CLEC16A: variants seen among roughly 807,000 people sequenced by gnomAD.
CLEC16A encodes the protein protein CLEC16A.
A neutral mutation model predicts 109.5 loss-of-function variants in CLEC16A; 51 were observed. The observed-to-expected ratio is 0.47, with a 90% CI of 0.37 to 0.59. The LOEUF (loss-of-function observed/expected upper bound fraction) is 0.59, where lower values mean the gene tolerates loss of function less well. Among genes scored for constraint, CLEC16A ranks in the 20% least tolerant of loss-of-function variants. CLEC16A has a pLI of 0.00. For synonymous variants in CLEC16A, 673 were observed against 564.2 expected (o/e 1.19, Z -2.73); for missense variants, 1,339 against 1,394.0 (o/e 0.96, Z 0.63).
At chr16:11,082,873 G>T (rs566359079) in intron 19 of CLEC16A, among the ~76,000 whole-genome samples, 1 of 152,278 alleles carries the variant, frequency 6.6e-6, no homozygotes, top group East Asian at 1.9e-4. Context: ...AATTGTGGGA[G>T]CCCAGCTGTG....
intron 19 of CLEC16A, among the ~76,000 whole-genome samples, chr16:11,118,367 A>G (rs2052159947): frequency 1.4e-5 from 1 of 73,544 alleles, no homozygotes; most frequent in African/African-American, 1.2e-4. Flanking sequence ...ATTCAAGATA[A>G]GGGACGTTAA....
chr16:11,161,025 G>T (rs79659389), intron 22 of CLEC16A, among the ~76,000 whole-genome samples: 1 of 152,198 alleles, frequency 6.6e-6, no homozygotes, highest in East Asian at 1.9e-4. Flanking sequence ...AACTGCAACC[G>T]AAAGGGAGAA....
chr16:11,069,884 G>A (rs2048970407), intron 19 of CLEC16A, among the ~76,000 whole-genome samples: 2 of 152,200 alleles, frequency 1.3e-5, no homozygotes, highest in African/African-American at 4.8e-5. Context: ...GGTTTAAAGT[G>A]TGTGGTAGGA....
At chr16:11,043,467 A>G (rs1253233249) in intron 15 of CLEC16A, among the ~76,000 whole-genome samples, 4 of 152,098 alleles carry the variant, frequency 2.6e-5, no homozygotes, top group Non-Finnish European at 4.4e-5. Context: ...TTTTCCCCCA[A>G]TTAACTGTAT....
intron 22 of CLEC16A, 178 bp downstream of exon 22, chr16:11,126,324 T>C (rs1174538399): frequency 6.7e-7 from 1 of 1,491,842 alleles, no homozygotes; most frequent in African/African-American, 1.4e-5. Context: ...GCCCCCAAAA[T>C]AAATTTTGGC....
At chr16:10,953,870 G>A (rs1202204772) in intron 1 of CLEC16A, among the ~76,000 whole-genome samples, 1 of 151,930 alleles carries the variant, frequency 6.6e-6, no homozygotes, top group African/African-American at 2.4e-5. Flanking sequence ...CCAGCTATTC[G>A]GAAGGCTGAG....
At chr16:11,102,208 T>TG (rs1476415778) in intron 19 of CLEC16A, among the ~76,000 whole-genome samples, 3 of 152,212 alleles carry the variant, frequency 2.0e-5, no homozygotes, top group African/African-American at 4.8e-5. Context: ...GCCATCTGAT[T>TG]GGGGGTGTGG....
chr16:10,997,025 G>A (rs186210178), intron 10 of CLEC16A, among the ~76,000 whole-genome samples: 6 of 152,292 alleles, frequency 3.9e-5, no homozygotes, highest in Non-Finnish European at 5.9e-5. Context: ...GCAGTGGCAC[G>A]ACCACAGCTC....
intron 1 of CLEC16A, 63 bp downstream of exon 1, chr16:10,944,860 C>A: frequency 6.9e-7 from 1 of 1,450,984 alleles, no homozygotes; most frequent in African/African-American, 1.4e-5. Context: ...CGCCGAGCTC[C>A]GGGTCGGGGC....
intron 23 of CLEC16A, among the ~76,000 whole-genome samples, chr16:11,176,044 A>T (rs911056133): frequency 2.0e-5 from 3 of 152,264 alleles, no homozygotes; most frequent in Non-Finnish European, 4.4e-5. Flanking sequence ...TTATGTGTGG[A>T]TCCACATGTG....
chr16:10,959,389 A>G (rs181457036), intron 2 of CLEC16A, among the ~76,000 whole-genome samples: 13 of 152,056 alleles, frequency 8.5e-5, no homozygotes, highest in African/African-American at 3.1e-4. Flanking sequence ...TCCATGGGGA[A>G]TTTTGTTTTT....
chr16:11,126,257 C>T (rs975572066), intron 22 of CLEC16A, 111 bp downstream of exon 22: 6 of 1,560,144 alleles, frequency 3.8e-6, no homozygotes, highest in Admixed American at 3.9e-5. Flanking sequence ...GAAGCCCCGT[C>T]GGCTGGCAGC....
chr16:11,046,784 C>A (rs1236508961), intron 16 of CLEC16A, among the ~76,000 whole-genome samples: 4 of 152,070 alleles, frequency 2.6e-5, no homozygotes, highest in African/African-American at 9.7e-5. Flanking sequence ...CAGTCATGAC[C>A]CTGAGGAACA....
In CLEC16A at chr16:11,106,923, G is replaced by A. The variant is rs540227571; in HGVS notation, c.2117-13692G>A. On this transcript the variant is annotated intron_variant, in intron 19 of 23. Coordinates refer to ENST00000409790, the MANE Select transcript of CLEC16A (RefSeq NM_015226.3). The stretch of plus-strand genomic sequence containing the variant: ...CTTGGCCCAGGCCCGGCTTGGGACT[G>A]TTGCCCTGCACAGCTTCCCCTGCAT... Among the ~76,000 whole-genome samples the A allele has an allele frequency of 2.6e-5, 4 of 152,286 alleles. No individual in the cohort carries two copies. The South Asian group carries it at 8.3e-4, about 32-fold the overall frequency.
At chr16:11,046,626 A>T (rs2047648530) in intron 16 of CLEC16A, among the ~76,000 whole-genome samples, 1 of 152,182 alleles carries the variant, frequency 6.6e-6, no homozygotes, top group African/African-American at 2.4e-5. Context: ...TTTCATGTGC[A>T]TTAACTCATT....
intron 19 of CLEC16A, among the ~76,000 whole-genome samples, chr16:11,064,566 C>T (rs1413625311): frequency 6.6e-6 from 1 of 152,156 alleles, no homozygotes; most frequent in African/African-American, 2.4e-5. Flanking sequence ...CACTTGAGCT[C>T]AGGAGTTCAA....
intron 19 of CLEC16A, among the ~76,000 whole-genome samples, chr16:11,071,507 G>A (rs563683876): frequency 3.7e-4 from 57 of 152,010 alleles, no homozygotes; most frequent in African/African-American, 1.3e-3. Flanking sequence ...GATTGAGGGG[G>A]AAAAGTAGCC....
chr16:11,093,909 G>C lies in CLEC16A; in HGVS notation c.2117-26706G>C, dbSNP rs546654240. On this transcript the variant is annotated intron_variant, in intron 19 of 23. Transcript: ENST00000409790. ...CATTCACCCCAGGTGAGAGGACAGT[G>C]ACCCAAGCCACGGTGCGTTCAGGGA... 1.1e-4 allele frequency among the ~76,000 whole-genome samples: 17 copies of C among 152,302 alleles called. No individual in the cohort carries two copies. In the South Asian group the frequency reaches 3.5e-3, roughly 32 times the overall value.
At chr16:11,022,173 C>T (rs2046140748) in intron 12 of CLEC16A, among the ~76,000 whole-genome samples, 1 of 152,042 alleles carries the variant, frequency 6.6e-6, no homozygotes, top group Non-Finnish European at 1.5e-5. Context: ...CAGATTTCTG[C>T]TAGACTGTGA....
Sources: allele counts gnomAD v4.1 joint callset (sites outside exome capture counted in the v4.1 genomes callset), GRCh38; gene constraint gnomAD v4.1.1; transcripts MANE v1.5; gene names NCBI Gene and HGNC (gene_info 2026-07-23, HGNC 2026-07-21).